The following AMOTL1 variants were observed in gnomAD, a reference collection of about 807,000 sequenced individuals.
AMOTL1 encodes the protein angiomotin-like protein 1.
A neutral mutation model predicts 102.9 loss-of-function variants in AMOTL1; 45 were observed. The observed-to-expected ratio is 0.44, with a 90% confidence interval of 0.34 to 0.56. The LOEUF (loss-of-function observed/expected upper bound fraction) is 0.56. AMOTL1 is among the 20% of genes least tolerant of loss of function. The pLI is 0.01. For synonymous variants in AMOTL1, 481 were observed against 484.7 expected (o/e 0.99, Z 0.10); for missense variants, 1,114 against 1,225.6 (o/e 0.91, Z 1.36).
chr11:94,854,804 A>G (rs1258189702), intron 8 of AMOTL1, among the ~76,000 whole-genome samples: 2 of 152,288 alleles, frequency 1.3e-5, no homozygotes, highest in African/African-American at 4.8e-5. Flanking sequence ...TTAGTAGCCC[A>G]TGATGATCAG....
intron 9 of AMOTL1, among the ~76,000 whole-genome samples, chr11:94,860,987 C>G (rs1952762331): frequency 6.6e-6 from 1 of 152,200 alleles, no homozygotes; most frequent in South Asian, 2.1e-4. Flanking sequence ...TTGGAGAAAG[C>G]ATTGCCACCA....
Position 94,799,559 on chromosome 11 carries a change from C to G in AMOTL1, c.369C>G (p.His123Gln), listed in dbSNP as rs1434323784. 1 of 1,613,746 alleles carries G rather than the reference C, an allele frequency of 6.2e-7. No homozygotes were observed. Among genetic ancestry groups the G allele is most frequent in the Admixed American group, 1.7e-5 (1 of 60,008 alleles). The change falls in exon 3 of 13, where the codon CAC becomes CAG. Residue 123 changes from histidine (H) to glutamine (Q), a missense_variant. His to Gln is a conservative substitution (Grantham distance 24, BLOSUM62 0). Transcript: ENST00000433060. The surrounding 1 kb of genome is among the most constrained non-coding windows in gnomAD (Gnocchi z 4.5). ...ACATGAACTTGCTGGCCATTCAGCA[C>G]CAGGCCACAGGGAGTGCAGGACCAG... ...TENMNLLAIQ[H>Q]QATGSAGPAH...
intron 3 of AMOTL1, among the ~76,000 whole-genome samples, chr11:94,753,395 C>T (rs1950682149): frequency 6.8e-6 from 1 of 147,064 alleles, no homozygotes; most frequent in Non-Finnish European, 1.5e-5. Context: ...TTTGTTTCTA[C>T]TCTCTTAATT....
chr11:94,849,976 G>T, intron 6 of AMOTL1, 138 bp from the exon 7 acceptor site: 1 of 1,096,558 alleles, frequency 9.1e-7, no homozygotes. Flanking sequence ...ACTATGAAAA[G>T]GGAGCAGAAA....
rs371013978 is a variant in AMOTL1, at chr11:94,869,374, A to G, written c.2665A>G (p.Ser889Gly). 7.1e-5 allele frequency: 114 copies of G among 1,608,902 alleles called. No individual in the cohort carries two copies. Among genetic ancestry groups the G allele is most frequent in the Non-Finnish European group, 9.3e-5 (109 of 1,177,906 alleles). Residue 889 changes from serine (S) to glycine (G), a missense_variant, in exon 12 of 13, where the codon AGC (serine) becomes GGC (glycine). Transcript: ENST00000433060. ...CAAGAGTGCCGAGCTCTTCTGGCCC[A>G]GCATGGCCTCCCTTCCCAGCCGCGG... is the stretch of plus-strand genomic sequence containing the variant. ...TDKSAELFWP[S>G]MASLPSRGRL... is the part of the protein sequence containing the mutation.
chr11:94,736,587 A>G (rs956123900), intron 2 of AMOTL1, among the ~76,000 whole-genome samples: 1 of 152,190 alleles, frequency 6.6e-6, no homozygotes, highest in African/African-American at 2.4e-5. Context: ...TATGTGTGCT[A>G]GACACTGTGC....
intron 4 of AMOTL1, among the ~76,000 whole-genome samples, chr11:94,822,175 C>A (rs531446872): frequency 6.6e-6 from 1 of 152,090 alleles, no homozygotes; most frequent in African/African-American, 2.4e-5. Context: ...AGGCCATGCG[C>A]GGTGGTCCAT....
chr11:94,707,130 C>T (rs1024134117), intron 1 of AMOTL1, among the ~76,000 whole-genome samples: 27 of 152,058 alleles, frequency 1.8e-4, no homozygotes, highest in African/African-American at 6.3e-4. Flanking sequence ...CAAACAATGG[C>T]TGTGCTGCCG....
chr11:94,743,895 G>A (rs1158279277), intron 3 of AMOTL1, among the ~76,000 whole-genome samples: 2 of 151,920 alleles, frequency 1.3e-5, no homozygotes, highest in African/African-American at 2.4e-5. Context: ...CTGACCTCTG[G>A]TGATCTGCCC....
Position 94,725,615 on chromosome 11 carries a change from G to A in AMOTL1, c.-50-3306G>A, listed in dbSNP as rs73525869. Among the ~76,000 whole-genome samples the A allele has an allele frequency of 2.7e-3, 410 of 152,212 alleles. 1 individual carries two copies. Among genetic ancestry groups the A allele is most frequent in the African/African-American group, 8.9e-3 (371 of 41,540 alleles). ...TGCAGTGTGATAAATGCTATAATGAGGTAAGCACAGGGAGCCTGTGGGAGC... is the reference window on the plus strand; with the variant it reads ...TGCAGTGTGATAAATGCTATAATGAAGTAAGCACAGGGAGCCTGTGGGAGC... On this transcript the variant is annotated intron_variant, in intron 1 of 4. Coordinates refer to the AMOTL1 transcript ENST00000299004.
chr11:94,754,744 G>A (rs537744669), intron 3 of AMOTL1, among the ~76,000 whole-genome samples: 62 of 152,266 alleles, frequency 4.1e-4, no homozygotes, highest in African/African-American at 1.4e-3. Flanking sequence ...AGGTAGGTTG[G>A]TATTTGCCAG....
intron 3 of AMOTL1, among the ~76,000 whole-genome samples, chr11:94,748,829 G>C (rs565888718): frequency 2.0e-5 from 3 of 152,274 alleles, no homozygotes; most frequent in Admixed American, 2.0e-4. Flanking sequence ...ATACAGGAGG[G>C]TGGTAAGAAA....
chr11:94,858,022 G>T (rs1952702007), intron 8 of AMOTL1, among the ~76,000 whole-genome samples: 1 of 152,182 alleles, frequency 6.6e-6, no homozygotes, highest in Non-Finnish European at 1.5e-5. Flanking sequence ...GGGGGGCTAT[G>T]AAGAGTTGTC....
chr11:94,854,169 A>C, intron 8 of AMOTL1, 87 bp downstream of exon 8: 2 of 1,414,472 alleles, frequency 1.4e-6, no homozygotes, highest in Non-Finnish European at 1.9e-6. Context: ...CAGATCCTGC[A>C]CCTTGCTCCC....
At chr11:94,784,979 A>G (rs1185882552) in intron 1 of AMOTL1, among the ~76,000 whole-genome samples, 1 of 151,972 alleles carries the variant, frequency 6.6e-6, no homozygotes, top group Admixed American at 6.6e-5. Flanking sequence ...AAAAAAAAAA[A>G]AAGAAAAGAA....
chr11:94,746,930 C>T (rs12420741), intron 3 of AMOTL1, among the ~76,000 whole-genome samples: 15,897 of 151,772 alleles, frequency 0.1, 1,713 homozygotes, highest in East Asian at 0.28. Flanking sequence ...TGTTGAATGA[C>T]GGAGTGAGGG....
chr11:94,828,439 C>G (rs1336999346), intron 4 of AMOTL1, among the ~76,000 whole-genome samples: 2 of 152,064 alleles, frequency 1.3e-5, no homozygotes, highest in Non-Finnish European at 2.9e-5. Flanking sequence ...TCTATAAAAA[C>G]TTGGATGAGA....
At chr11:94,721,850 G>A (rs541540626) in intron 1 of AMOTL1, among the ~76,000 whole-genome samples, 1 of 152,206 alleles carries the variant, frequency 6.6e-6, no homozygotes, top group African/African-American at 2.4e-5. Context: ...GGATTGGTTG[G>A]CAACTGTGAT....
chr11:94,770,561 G>GAT (rs1366341673), intron 1 of AMOTL1, among the ~76,000 whole-genome samples: 1 of 152,128 alleles, frequency 6.6e-6, no homozygotes, highest in Non-Finnish European at 1.5e-5. Flanking sequence ...CCTGCAGGTG[G>GAT]ATAGGAGAGA....
Sources: gnomAD v4.1 joint callset for allele counts (sites outside exome capture counted in the v4.1 genomes callset) on GRCh38, gnomAD v4.1.1 for gene constraint, Gnocchi (gnomAD v3.1) non-coding constraint, MANE v1.5 for transcripts, NCBI Gene and HGNC (gene_info 2026-07-23, HGNC 2026-07-21) for gene names.